The following AGBL4 variants were observed in gnomAD, a reference collection of about 807,000 sequenced individuals.
AGBL4 encodes AGBL carboxypeptidase 4.
AGBL4 carries 58 observed loss-of-function variants against 66.4 expected under a neutral mutation model. The observed-to-expected ratio is 0.87, with a 90% CI of 0.71 to 1.09. The LOEUF is 1.09. Among genes scored for constraint, AGBL4 ranks in the 50% least tolerant of loss-of-function variants. The pLI is 0.00. For missense variants in AGBL4, 579 were observed against 631.0 expected (o/e 0.92, Z 0.88); for synonymous variants, 234 against 222.9 (o/e 1.05, Z -0.44).
intron 5 of AGBL4, among the ~76,000 whole-genome samples, chr1:48,958,676 C>T (rs1204506637): frequency 2.0e-5 from 3 of 152,216 alleles, no homozygotes; most frequent in Non-Finnish European, 4.4e-5. Flanking sequence ...GTACCTGGGA[C>T]TGGCCAGGGC....
In AGBL4 at chr1:48,822,129, C is replaced by T. The variant is rs1052530950; in HGVS notation, c.634+45062G>A. ...GAGGAGTTATAAAATGATACAAACA[C>T]CTTGGAAAACTGGAAGTTTCTTATA... On this transcript the variant is annotated intron_variant, in intron 6 of 13. Coordinates refer to ENST00000371839, the MANE Select transcript of AGBL4 (RefSeq NM_032785.4). 2.6e-5 allele frequency among the ~76,000 whole-genome samples: 4 copies of T among 152,184 alleles called. No homozygotes were observed. In the South Asian group the frequency reaches 8.3e-4, roughly 32 times the overall value.
chr1:49,457,000 T>TAGTTTGCA (rs1646404607), intron 3 of AGBL4, among the ~76,000 whole-genome samples: 1 of 151,800 alleles, frequency 6.6e-6, no homozygotes, highest in Admixed American at 6.6e-5. Context: ...GCTGGTTCCA[T>TAGTTTGCA]ATTTCTGCAA....
At chr1:49,561,279 TTTTTATTTTTTATTATTATTATTATAC>T (rs1644033495) in intron 3 of AGBL4, among the ~76,000 whole-genome samples, 1 of 151,808 alleles carries the variant, frequency 6.6e-6, no homozygotes, top group African/African-American at 2.4e-5. Flanking sequence ...TTGCTTTTTA[TTTTTATTTTTTATTATTATTATTATAC>T]TTTAACCTTT....
At chr1:49,646,290 C>A (rs1645886007) in intron 3 of AGBL4, among the ~76,000 whole-genome samples, 1 of 151,852 alleles carries the variant, frequency 6.6e-6, no homozygotes, top group African/African-American at 2.4e-5. Context: ...ACAGAAAATT[C>A]TATGGAATCT....
chr1:48,789,419 A>G (rs1032626346), intron 6 of AGBL4, among the ~76,000 whole-genome samples: 22 of 151,852 alleles, frequency 1.4e-4, no homozygotes, highest in East Asian at 1.9e-4. Flanking sequence ...CTCCCGAGTA[A>G]CTGGGACTAC....
chr1:49,022,379 G>A (rs1663314371), intron 5 of AGBL4, among the ~76,000 whole-genome samples: 1 of 139,774 alleles, frequency 7.2e-6, no homozygotes, highest in South Asian at 2.4e-4. Flanking sequence ...AGGCAAATGA[G>A]GAACCCGAAT....
intron 9 of AGBL4, among the ~76,000 whole-genome samples, chr1:48,600,836 C>A (rs578145386): frequency 3.3e-5 from 5 of 152,160 alleles, no homozygotes; most frequent in African/African-American, 9.6e-5. Flanking sequence ...TTTTTTTCTA[C>A]TTCTAATTAG....
intron 3 of AGBL4, among the ~76,000 whole-genome samples, chr1:49,625,060 A>C (rs761960496): frequency 7.9e-5 from 12 of 152,126 alleles, no homozygotes; most frequent in Non-Finnish European, 1.6e-4. Flanking sequence ...TTTTTCCTTT[A>C]AGGTTCAGTC....
intron 3 of AGBL4, among the ~76,000 whole-genome samples, chr1:49,323,285 T>C (rs1175804291): frequency 1.3e-5 from 2 of 152,070 alleles, no homozygotes; most frequent in African/African-American, 2.4e-5. Context: ...TTTTTGTTTT[T>C]GTTTTTTTAT....
intron 3 of AGBL4, among the ~76,000 whole-genome samples, chr1:49,396,730 C>T (rs1400878865): frequency 6.6e-6 from 1 of 152,154 alleles, no homozygotes; most frequent in African/African-American, 2.4e-5. Context: ...TGATCCCACT[C>T]CTCTTCACTG....
intron 2 of AGBL4, among the ~76,000 whole-genome samples, chr1:49,755,915 G>C (rs1313353627): frequency 6.6e-6 from 1 of 152,092 alleles, no homozygotes; most frequent in Non-Finnish European, 1.5e-5. Context: ...GGCTCAGTTA[G>C]AATATGACCC....
chr1:49,908,030 G>A (rs573257266), intron 1 of AGBL4, among the ~76,000 whole-genome samples: 129 of 152,088 alleles, frequency 8.5e-4, no homozygotes, highest in Non-Finnish European at 1.3e-3. Flanking sequence ...CTTGTCATAC[G>A]TCATTTAACT....
chr1:49,573,943 C>T (rs1644384996), intron 3 of AGBL4, among the ~76,000 whole-genome samples: 2 of 152,158 alleles, frequency 1.3e-5, no homozygotes, highest in Non-Finnish European at 2.9e-5. Context: ...ACTCATGCTG[C>T]CATCAGCCTG....
intron 6 of AGBL4, among the ~76,000 whole-genome samples, chr1:48,717,700 A>G (rs571513155): frequency 6.6e-6 from 1 of 152,332 alleles, no homozygotes; most frequent in South Asian, 2.1e-4. Flanking sequence ...GCCATATAGC[A>G]CAGGGCCTGG....
intron 2 of AGBL4, 111 bp from the exon 3 acceptor site, chr1:49,697,548 C>T (rs371823185): frequency 3.7e-5 from 33 of 895,572 alleles, no homozygotes; most frequent in East Asian, 3.4e-4. Flanking sequence ...ACATTCAGTA[C>T]TTGAAGGTTC....
intron 3 of AGBL4, among the ~76,000 whole-genome samples, chr1:49,334,509 A>T (rs1033729701): frequency 2.6e-5 from 4 of 152,224 alleles, no homozygotes; most frequent in Admixed American, 2.6e-4. Flanking sequence ...GCAGGTACTA[A>T]GAACTACATA....
intron 2 of AGBL4, among the ~76,000 whole-genome samples, chr1:49,745,403 T>C (rs1259941057): frequency 6.6e-6 from 1 of 152,010 alleles, no homozygotes; most frequent in Non-Finnish European, 1.5e-5. Flanking sequence ...TTATTATTAG[T>C]TATTGTTCTT....
At chr1:48,722,012 A>G (rs371683452) in intron 6 of AGBL4, among the ~76,000 whole-genome samples, 1 of 152,150 alleles carries the variant, frequency 6.6e-6, no homozygotes, top group African/African-American at 2.4e-5. Flanking sequence ...AATTATTCAG[A>G]TAATTCACAT....
intron 1 of AGBL4, among the ~76,000 whole-genome samples, chr1:49,982,706 C>T (rs1659164473): frequency 6.6e-6 from 1 of 152,150 alleles, no homozygotes; most frequent in African/African-American, 2.4e-5. Context: ...AATCAACATG[C>T]ACTTCATCCC....
Sources: allele counts gnomAD v4.1 joint callset (sites outside exome capture counted in the v4.1 genomes callset), GRCh38; gene constraint gnomAD v4.1.1; transcripts MANE v1.5; gene names NCBI Gene and HGNC (gene_info 2026-07-23, HGNC 2026-07-21).